ARL5B: variants seen among roughly 807,000 people sequenced by gnomAD.
ARL5B encodes the protein ADP-ribosylation factor-like protein 5B.
ARL5B carries 10 observed loss-of-function variants against 26.9 expected under a neutral mutation model. The observed-to-expected ratio is 0.37, with a 90% CI of 0.23 to 0.63. ARL5B has a LOEUF of 0.63. ARL5B is among the 30% of genes least tolerant of loss of function. The pLI is 0.62. For missense variants in ARL5B, 167 were observed against 213.9 expected, an observed-to-expected ratio of 0.78 and a Z score of 1.37; for synonymous variants, 87 against 70.4, an observed-to-expected ratio of 1.24 and a Z score of -1.18.
intron 5 of ARL5B, 44 bp downstream of exon 5, chr10:18,674,179 T>G: frequency 3.2e-6 from 5 of 1,543,602 alleles, no homozygotes; most frequent in Non-Finnish European, 4.4e-6. Context: ...CTTTCAAATT[T>G]CTTCCAACTT....
chr10:18,680,058 A>T lies in ARL5B; in HGVS notation c.*4842A>T, dbSNP rs1212715803. On this transcript the variant is annotated 3_prime_UTR_variant, in exon 6 of 6. Coordinates refer to ENST00000377275, the MANE Select transcript of ARL5B (RefSeq NM_178815.5). ...TTCTCCTGGAAATGGAGAAATATGA[A>T]ATGTGCTGTGCATAGCTTTTGGAAT... 6.6e-6 allele frequency: 1 copy of T among 152,014 alleles called. No individual in the cohort carries two copies. Among genetic ancestry groups the T allele is most frequent in the Non-Finnish European group, 1.5e-5 (1 of 67,892 alleles). The allele number at this position is 152,014 out of a possible 1,614,324, so 9.4% of individuals were successfully genotyped here. A position where few individuals can be genotyped will look rare whatever the true frequency, so the allele number is the denominator to read the frequency against.
intron 2 of ARL5B, among the ~76,000 whole-genome samples, chr10:18,667,093 G>C (rs2059864692): frequency 6.6e-6 from 1 of 152,208 alleles, no homozygotes; most frequent in Non-Finnish European, 1.5e-5. Flanking sequence ...GGAGAGTCTT[G>C]AGACTTTCAG....
In ARL5B at chr10:18,668,520, T is replaced by C. The variant is rs776903577; in HGVS notation, c.108-10T>C. The C allele has an allele frequency of 6.2e-7, 1 of 1,613,108 alleles. No homozygotes were observed. Among genetic ancestry groups the C allele is most frequent in the East Asian group, 2.2e-5 (1 of 44,848 alleles). Reference sequence around the variant, plus strand: ...TTACAAGAGCTTTTACGGTGTCTGTTTTTCAACAGCTTAATGAATGAAGTG... The same window carrying C: ...TTACAAGAGCTTTTACGGTGTCTGTCTTTCAACAGCTTAATGAATGAAGTG... On this transcript the variant is annotated splice_polypyrimidine_tract_variant and intron_variant, in intron 2 of 5. Coordinates refer to ENST00000377275, the MANE Select transcript of ARL5B (RefSeq NM_178815.5).
At chr10:18,660,908 C>G (rs4747356) in intron 1 of ARL5B, among the ~76,000 whole-genome samples, 30,701 of 152,052 alleles carry the variant, frequency 0.2, 3,282 homozygotes, top group East Asian at 0.33. Flanking sequence ...AGTGCAGTGG[C>G]GCAATCTCAG....
intron 4 of ARL5B, among the ~76,000 whole-genome samples, chr10:18,673,042 G>T (rs1352828809): frequency 1.4e-5 from 2 of 146,550 alleles, no homozygotes; most frequent in Non-Finnish European, 3.0e-5. Context: ...TAACTGAAAG[G>T]TTTTTTTTTT....
At position 18,666,608 on chromosome 10, in the gene ARL5B, C is replaced by T; in HGVS notation, c.80C>T (p.Ala27Val). 6.2e-7 allele frequency: 1 copy of T among 1,609,206 alleles called. No homozygotes were observed. Among genetic ancestry groups the T allele is most frequent in the Non-Finnish European group, 8.5e-7 (1 of 1,177,828 alleles). ...GTAATTATAGTGGGACTGGATAATG[C>T]AGGGAAAACCACCATTCTTTACCAA... Reference protein sequence around the residue: ...HKVIIVGLDNAGKTTILYQFL... With the variant: ...HKVIIVGLDNVGKTTILYQFL... Residue 27 changes from alanine (A) to valine (V), a missense_variant, in exon 2 of 6, where the codon GCA becomes GTA. Coordinates refer to ENST00000377275, the MANE Select transcript of ARL5B (RefSeq NM_178815.5).
intron 1 of ARL5B, 98 bp from the exon 2 acceptor site, chr10:18,666,477 G>T: frequency 3.1e-6 from 3 of 983,544 alleles, no homozygotes; most frequent in Middle Eastern, 2.2e-4. Flanking sequence ...TTCAGTGAAT[G>T]ATTCTCATTA....
At position 18,659,495 on chromosome 10, in the gene ARL5B, C is replaced by T; in HGVS notation, c.-143C>T. The T allele has an allele frequency of 9.2e-7, 1 of 1,092,644 alleles. No homozygotes were observed. Among genetic ancestry groups the T allele is most frequent in the Non-Finnish European group, 1.2e-6 (1 of 800,114 alleles). 67.7% of individuals were successfully genotyped at this position (1,092,644 alleles called of 1,614,324 possible). A position where few individuals can be genotyped will look rare whatever the true frequency, so the allele number is the denominator to read the frequency against. On this transcript the variant is annotated 5_prime_UTR_variant, in exon 1 of 6. Coordinates refer to ENST00000377275, the MANE Select transcript of ARL5B (RefSeq NM_178815.5). ...CGCGGCGCCTTCTGAGTGGTCGGGT[C>T]GAGGCTTCTCGGCCTAGCAGTGCCC...
chr10:18,664,687 C>G lies in ARL5B; in HGVS notation c.47-1888C>G, dbSNP rs1265303960. Among the ~76,000 whole-genome samples the G allele has an allele frequency of 2.0e-5, 3 of 151,982 alleles. No homozygotes were observed. In the East Asian group the frequency reaches 5.8e-4, roughly 29 times the overall value. On this transcript the variant is annotated intron_variant, in intron 1 of 5. Transcript: ENST00000377275. Reference sequence around the variant, plus strand: ...TCTCCTGACCTCGTGATCCTCCCACCTCGGCCTCCCAAAGTGCTAAGATTA... The same window carrying G: ...TCTCCTGACCTCGTGATCCTCCCACGTCGGCCTCCCAAAGTGCTAAGATTA...
Position 18,668,511 on chromosome 10 carries a change from G to A in ARL5B, c.108-19G>A, listed in dbSNP as rs747215740. ...TCTCAAGATTTACAAGAGCTTTTAC[G>A]GTGTCTGTTTTTCAACAGCTTAATG... On this transcript the variant is annotated intron_variant, in intron 2 of 5. Transcript: ENST00000377275. 1.4e-5 allele frequency: 22 copies of A among 1,611,892 alleles called. No homozygotes were observed. Among genetic ancestry groups the A allele is most frequent in the Admixed American group, 5.0e-5 (3 of 59,604 alleles).
Position 18,679,568 on chromosome 10 carries a change from T to G in ARL5B, c.*4352T>G, listed in dbSNP as rs1046759703. 6.6e-5 allele frequency: 10 copies of G among 151,908 alleles called. No homozygotes were observed. In the South Asian group the frequency reaches 2.1e-3, roughly 32 times the overall value. 9.4% of individuals were successfully genotyped at this position (151,908 alleles called of 1,614,324 possible). Reference sequence around the variant, plus strand: ...TCCCCAAAAAAGTATTTTTAAAAAATTTTAGGGGACCAAAATAAATAGAGG... The same window carrying G: ...TCCCCAAAAAAGTATTTTTAAAAAAGTTTAGGGGACCAAAATAAATAGAGG... On this transcript the variant is annotated 3_prime_UTR_variant, in exon 6 of 6. Coordinates refer to ENST00000377275, the MANE Select transcript of ARL5B (RefSeq NM_178815.5).
At position 18,677,709 on chromosome 10, in the gene ARL5B, C is replaced by A. The variant is rs1456900556; in HGVS notation, c.*2493C>A. ...AAAAAATGTACATTTGTAATTAGTGCCTTTATTCATATTTTGAAATAAGTT... is the reference window on the plus strand; with the variant it reads ...AAAAAATGTACATTTGTAATTAGTGACTTTATTCATATTTTGAAATAAGTT... On this transcript the variant is annotated 3_prime_UTR_variant, in exon 6 of 6. Coordinates refer to ENST00000377275, the MANE Select transcript of ARL5B (RefSeq NM_178815.5). 6.6e-6 allele frequency: 1 copy of A among 152,100 alleles called. No homozygotes were observed. The highest frequency in any genetic ancestry group is 2.4e-5 in the African/African-American group (1 of 41,366). The allele number at this position is 152,100 out of a possible 1,614,324, so 9.4% of individuals were successfully genotyped here. A position where few individuals can be genotyped will look rare whatever the true frequency, so the allele number is the denominator to read the frequency against.
At chr10:18,665,865 C>T (rs947892711) in intron 1 of ARL5B, among the ~76,000 whole-genome samples, 1 of 152,080 alleles carries the variant, frequency 6.6e-6, no homozygotes, top group South Asian at 2.1e-4. Context: ...TACCACTTAA[C>T]GGAATAATTA....
Position 18,678,807 on chromosome 10 carries a change from T to C in ARL5B, c.*3591T>C, listed in dbSNP as rs1443893906. The stretch of plus-strand genomic sequence containing the variant: ...TCTTGTATCTAGTAGAATATTGTGC[T>C]AGCCATCTAAAAAAGTGGATTTGAG... On this transcript the variant is annotated 3_prime_UTR_variant, in exon 6 of 6. Transcript: ENST00000377275. 4 of 151,850 alleles carry C rather than the reference T, an allele frequency of 2.6e-5. No homozygotes were observed. Among genetic ancestry groups the C allele is most frequent in the Non-Finnish European group, 5.9e-5 (4 of 67,788 alleles). The allele number at this position is 151,850 out of a possible 1,614,324, so 9.4% of individuals were successfully genotyped here. A position where few individuals can be genotyped will look rare whatever the true frequency, so the allele number is the denominator to read the frequency against.
rs2059908078 is a variant in ARL5B at position 18,675,785 on chromosome 10, C to T, written c.*569C>T. The T allele has an allele frequency of 6.6e-6, 1 of 152,062 alleles. No individual in the cohort carries two copies. Among genetic ancestry groups the T allele is most frequent in the African/African-American group, 2.4e-5 (1 of 41,410 alleles). 9.4% of individuals were successfully genotyped at this position (152,062 alleles called of 1,614,324 possible). A position where few individuals can be genotyped will look rare whatever the true frequency, so the allele number is the denominator to read the frequency against. On this transcript the variant is annotated 3_prime_UTR_variant, in exon 6 of 6. Coordinates refer to ENST00000377275, the MANE Select transcript of ARL5B (RefSeq NM_178815.5). ...GAGTACTTGCCTTTTAACTTTCCCCCACATTACTGTTGAGTCATGGAATAA... is the reference window on the plus strand; with the variant it reads ...GAGTACTTGCCTTTTAACTTTCCCCTACATTACTGTTGAGTCATGGAATAA...
In ARL5B at chr10:18,663,813, G is replaced by T. The variant is rs192249563; in HGVS notation, c.47-2762G>T. Among the ~76,000 whole-genome samples the T allele has an allele frequency of 2.4e-3, 372 of 152,084 alleles. 3 individuals carry two copies. The highest frequency in any genetic ancestry group is 8.7e-3 in the African/African-American group (359 of 41,466). The stretch of plus-strand genomic sequence containing the variant: ...TCCTCCCACCTCGGCCTCCCAAAGT[G>T]CTGGGATTACAGGTGTGAGCTACTG... On this transcript the variant is annotated intron_variant, in intron 1 of 5. Coordinates refer to ENST00000377275, the MANE Select transcript of ARL5B (RefSeq NM_178815.5).
At chr10:18,663,282 G>A (rs563236519) in intron 1 of ARL5B, among the ~76,000 whole-genome samples, 11 of 152,286 alleles carry the variant, frequency 7.2e-5, no homozygotes, top group Non-Finnish European at 1.2e-4. Flanking sequence ...GATTACAGGC[G>A]TGAGCCACTG....
intron 1 of ARL5B, among the ~76,000 whole-genome samples, chr10:18,661,049 A>G (rs538620451): frequency 6.6e-6 from 1 of 152,218 alleles, no homozygotes; most frequent in East Asian, 1.9e-4. Context: ...GGGTTTCGCC[A>G]TGTTGGGCAG....
At chr10:18,665,193 A>G (rs748523568) in intron 1 of ARL5B, among the ~76,000 whole-genome samples, 6 of 152,164 alleles carry the variant, frequency 3.9e-5, no homozygotes, top group Non-Finnish European at 8.8e-5. Flanking sequence ...GAGGACATGT[A>G]GCCAAGCTTG....
Sources: allele counts gnomAD v4.1 joint callset (sites outside exome capture counted in the v4.1 genomes callset), GRCh38; gene constraint gnomAD v4.1.1; transcripts MANE v1.5; gene names NCBI Gene and HGNC (gene_info 2026-07-23, HGNC 2026-07-21).